The following AGBL1 variants were observed in gnomAD, a reference collection of about 807,000 sequenced individuals.
AGBL1 encodes AGBL carboxypeptidase 1.
AGBL1 carries 130 observed loss-of-function variants against 118.9 expected under a neutral mutation model. The ratio of observed to expected loss-of-function variants is 1.09; its 90% CI spans 0.95 to 1.26. The LOEUF (loss-of-function observed/expected upper bound fraction) is 1.26. Ranked by LOEUF, AGBL1 falls within the 50% of genes most tolerant of loss-of-function variation. The pLI, the probability that AGBL1 is intolerant of heterozygous loss-of-function variation, is 0.00. For synonymous variants in AGBL1, 555 were observed against 478.9 expected, an observed-to-expected ratio of 1.16 and a Z score of -2.08; for missense variants, 1,584 against 1,298.1, an observed-to-expected ratio of 1.22 and a Z score of -3.38.
intron 21 of AGBL1, among the ~76,000 whole-genome samples, chr15:86,571,742 C>A (rs2084010711): frequency 6.6e-6 from 1 of 152,164 alleles, no homozygotes; most frequent in Non-Finnish European, 1.5e-5. Flanking sequence ...CTGATTGATC[C>A]ATGAGCAGCC....
chr15:86,876,844 C>T (rs2079817052), intron 22 of AGBL1, among the ~76,000 whole-genome samples: 1 of 152,168 alleles, frequency 6.6e-6, no homozygotes, highest in Admixed American at 6.5e-5. Flanking sequence ...TCCTGGTTTC[C>T]TCATTTCTAA....
intron 5 of AGBL1, among the ~76,000 whole-genome samples, chr15:86,197,969 G>A (rs1277218299): frequency 6.6e-6 from 1 of 152,138 alleles, no homozygotes; most frequent in Non-Finnish European, 1.5e-5. Flanking sequence ...ACAGCCCAGA[G>A]TATACAGGCC....
intron 17 of AGBL1, among the ~76,000 whole-genome samples, chr15:86,380,218 C>T (rs112646303): frequency 4.2e-4 from 64 of 152,000 alleles, no homozygotes; most frequent in African/African-American, 1.5e-3. Flanking sequence ...CTTCCTCCCT[C>T]TCTCATTCCC....
chr15:86,246,942 T>C (rs757745386), intron 6 of AGBL1, among the ~76,000 whole-genome samples: 3 of 152,168 alleles, frequency 2.0e-5, no homozygotes, highest in Admixed American at 1.3e-4. Flanking sequence ...GGAAATCTGG[T>C]GGAAATCTCT....
intron 17 of AGBL1, among the ~76,000 whole-genome samples, chr15:86,374,288 A>G (rs534659072): frequency 2.6e-5 from 4 of 152,262 alleles, no homozygotes; most frequent in Non-Finnish European, 5.9e-5. Context: ...TGGATTTATT[A>G]CAAAGCCTAT....
At chr15:87,003,744 G>T (rs1046766981) in intron 24 of AGBL1, among the ~76,000 whole-genome samples, 5 of 152,176 alleles carry the variant, frequency 3.3e-5, no homozygotes, top group African/African-American at 1.2e-4. Flanking sequence ...ATTTCTTCTA[G>T]ATTTTCAAGT....
chr15:86,216,352 A>G (rs947306300), intron 5 of AGBL1, among the ~76,000 whole-genome samples: 5 of 152,144 alleles, frequency 3.3e-5, no homozygotes, highest in African/African-American at 1.2e-4. Context: ...TCTTAGGGGA[A>G]AAGCATTCAA....
intron 22 of AGBL1, among the ~76,000 whole-genome samples, chr15:86,847,642 C>T (rs941697064): frequency 1.3e-5 from 2 of 152,224 alleles, no homozygotes; most frequent in Non-Finnish European, 1.5e-5. Context: ...AGTCTCTACC[C>T]TCTGCCAACG....
intron 23 of AGBL1, among the ~76,000 whole-genome samples, chr15:86,974,643 CA>C (rs955894230): frequency 5.7e-5 from 8 of 140,942 alleles, no homozygotes; most frequent in Non-Finnish European, 1.2e-4. Flanking sequence ...AACTTTTCTG[CA>C]AAAAAAGATG....
rs919395916 is a variant in AGBL1, at chr15:86,913,531, T to C, written c.*6237T>C. On this transcript the variant is annotated 3_prime_UTR_variant, in exon 23 of 23. Transcript: ENST00000614907. ...CCAAATGAGCCACATTTAGTTCTTA[T>C]GACAAGTAGTTAAACAGAGGAGAGC... is the stretch of plus-strand genomic sequence containing the variant. 2 of 152,168 alleles carry C rather than the reference T, an allele frequency of 1.3e-5. No homozygotes were observed. Among genetic ancestry groups the C allele is most frequent in the African/African-American group, 4.8e-5 (2 of 41,410 alleles). 9.4% of individuals were successfully genotyped at this position (152,168 alleles called of 1,614,324 possible).
At chr15:86,486,168 C>G (rs991887860) in intron 18 of AGBL1, among the ~76,000 whole-genome samples, 1 of 152,056 alleles carries the variant, frequency 6.6e-6, no homozygotes, top group Non-Finnish European at 1.5e-5. Flanking sequence ...ATCAAGTATG[C>G]AGGGTTCTTA....
chr15:86,606,754 C>G (rs1567080912), intron 21 of AGBL1, among the ~76,000 whole-genome samples: 1 of 152,150 alleles, frequency 6.6e-6, no homozygotes, highest in Non-Finnish European at 1.5e-5. Flanking sequence ...CCAGCTTCCC[C>G]TATTATTAAC....
intron 23 of AGBL1, among the ~76,000 whole-genome samples, chr15:86,964,195 A>C (rs2141691009): frequency 6.6e-6 from 1 of 152,120 alleles, no homozygotes; most frequent in South Asian, 2.1e-4. Flanking sequence ...GCCTGACTGT[A>C]AAACTAGGAC....
chr15:86,597,285 G>C (rs921231816), intron 21 of AGBL1, among the ~76,000 whole-genome samples: 1 of 152,098 alleles, frequency 6.6e-6, no homozygotes, highest in South Asian at 2.1e-4. Context: ...AGTGTTAAAA[G>C]CTTTGGAAAA....
chr15:86,287,136 G>A (rs1251645137), intron 16 of AGBL1, among the ~76,000 whole-genome samples: 1 of 151,950 alleles, frequency 6.6e-6, no homozygotes, highest in African/African-American at 2.4e-5. Flanking sequence ...TGTATCTGTT[G>A]GCCATTTGTA....
intron 5 of AGBL1, among the ~76,000 whole-genome samples, chr15:86,173,573 TGGG>T: frequency 6.6e-6 from 1 of 152,240 alleles, no homozygotes; most frequent in East Asian, 1.9e-4. Context: ...TTCATAGTTT[TGGG>T]TTTTATATTT....
intron 18 of AGBL1, among the ~76,000 whole-genome samples, chr15:86,514,145 C>CACAA (rs2083087546): frequency 6.6e-6 from 1 of 150,792 alleles, no homozygotes; most frequent in Admixed American, 6.7e-5. Context: ...AACACACACA[C>CACAA]ACACACACAC....
chr15:86,511,784 C>T (rs2083055324), intron 18 of AGBL1, among the ~76,000 whole-genome samples: 1 of 151,926 alleles, frequency 6.6e-6, no homozygotes, highest in Non-Finnish European at 1.5e-5. Flanking sequence ...GCTTTTGATA[C>T]TCACCTGGTC....
At position 86,972,517 on chromosome 15, in the gene AGBL1, G is replaced by T. The variant is rs1305847772; in HGVS notation, c.3222-15470G>T. 1.1e-4 allele frequency among the ~76,000 whole-genome samples: 16 copies of T among 152,066 alleles called. No homozygotes were observed. In the East Asian group the frequency reaches 2.3e-3, roughly 22 times the overall value. ...TTATTAAATTTATAACTTCTGATTT[G>T]AAAATAAGAATCTTATCTATCACAC... On this transcript the variant is annotated intron_variant, in intron 23 of 24. Coordinates refer to the AGBL1 transcript ENST00000441037.
Sources: gnomAD v4.1 joint callset for allele counts (sites outside exome capture counted in the v4.1 genomes callset) on GRCh38, gnomAD v4.1.1 for gene constraint, MANE v1.5 for transcripts, NCBI Gene and HGNC (gene_info 2026-07-23, HGNC 2026-07-21) for gene names.